STAT4: variants seen among roughly 807,000 people sequenced by gnomAD.
STAT4 encodes signal transducer and activator of transcription 4.
Under a neutral mutation model 110.5 loss-of-function variants are expected in STAT4, and 42 were observed. That is an observed-to-expected ratio of 0.38 (90% CI 0.30 to 0.49). STAT4 has a LOEUF of 0.49. Ranked by LOEUF, STAT4 falls within the 20% of genes least tolerant of loss-of-function variation. STAT4 has a pLI of 0.95. For missense variants in STAT4, 632 were observed against 887.9 expected (o/e 0.71, Z 3.66); for synonymous variants, 284 against 302.2 (o/e 0.94, Z 0.63).
At chr2:191,076,184 G>C (rs367791835) in intron 4 of STAT4, 43 bp downstream of exon 4, 785 of 1,499,564 alleles carry the variant, frequency 5.2e-4, no homozygotes, top group Non-Finnish European at 6.8e-4. Flanking sequence ...CAGAAAAATT[G>C]AGTTCAAGGT....
rs1696257566 is a variant in STAT4, at chr2:191,043,284, A to G, written c.1252-2136T>C. ...ACATAAAGTAGAGGAAATTTCCCAGAATGTAAAACAAACAAAAAAATCCCA... is the reference window on the plus strand; with the variant it reads ...ACATAAAGTAGAGGAAATTTCCCAGGATGTAAAACAAACAAAAAAATCCCA... On this transcript the variant is annotated intron_variant, in intron 14 of 23. Coordinates refer to ENST00000392320, the MANE Select transcript of STAT4 (RefSeq NM_003151.4). This position sits in a 1 kb window ranked among gnomAD's most constrained non-coding sequence, Gnocchi z 4.8. 6.6e-6 allele frequency among the ~76,000 whole-genome samples: 1 copy of G among 152,170 alleles called. No homozygotes were observed. The highest frequency in any genetic ancestry group is 2.4e-5 in the African/African-American group (1 of 41,444).
chr2:191,099,360 C>T lies in STAT4; in HGVS notation c.274-23035G>A, dbSNP rs962702582. Among the ~76,000 whole-genome samples, 2 of 152,022 alleles carry T rather than the reference C, an allele frequency of 1.3e-5. No individual in the cohort carries two copies. The highest frequency in any genetic ancestry group is 2.9e-5 in the Non-Finnish European group (2 of 67,958). ...GACTAGCAAGTCCATATCTAGGAAT[C>T]CATCCAATAAAAATAAAAGCACTGG... On this transcript the variant is annotated intron_variant, in intron 3 of 23. Transcript: ENST00000392320. This position sits in a 1 kb window ranked among gnomAD's most constrained non-coding sequence, Gnocchi z 4.1.
At chr2:191,120,897 C>T (rs1698706683) in intron 3 of STAT4, among the ~76,000 whole-genome samples, 1 of 152,164 alleles carries the variant, frequency 6.6e-6, no homozygotes, top group South Asian at 2.1e-4. Context: ...AAAGCAATGG[C>T]AACAAAAGCC....
At chr2:191,094,964 C>T (rs1231095046) in intron 3 of STAT4, among the ~76,000 whole-genome samples, 5 of 147,790 alleles carry the variant, frequency 3.4e-5, no homozygotes, top group African/African-American at 5.0e-5. Flanking sequence ...CTAGTCTCTG[C>T]TAAAACAGAC....
At position 191,031,414 on chromosome 2, in the gene STAT4, T is replaced by A; in HGVS notation, c.2111+36A>T. 2.5e-6 allele frequency: 4 copies of A among 1,597,986 alleles called. No homozygotes were observed. Among genetic ancestry groups the A allele is most frequent in the Non-Finnish European group, 3.4e-6 (4 of 1,171,212 alleles). ...TTAAATCTCCTATAGGAAAGCTTTT[T>A]ATAAAAATATTTCACATGTGACTAA... On this transcript the variant is annotated intron_variant, in intron 22 of 23. Transcript: ENST00000392320. The surrounding 1 kb of genome is among the most constrained non-coding windows in gnomAD (Gnocchi z 4.8).
rs926951303 is a variant in STAT4 at position 191,090,561 on chromosome 2, A to G, written c.274-14236T>C. Among the ~76,000 whole-genome samples the G allele has an allele frequency of 6.6e-6, 1 of 151,858 alleles. No individual in the cohort carries two copies. The highest frequency in any genetic ancestry group is 6.6e-5 in the Admixed American group (1 of 15,224). On this transcript the variant is annotated intron_variant, in intron 3 of 23. Transcript: ENST00000392320. This position sits in a 1 kb window ranked among gnomAD's most constrained non-coding sequence, Gnocchi z 4.2. ...CTTATTTATTTATTTTTAAACTACT[A>G]CTTGGTTTGTTTGTTTGAGACAGAG...
At chr2:191,068,969 G>T (rs940790196) in intron 6 of STAT4, among the ~76,000 whole-genome samples, 1 of 151,970 alleles carries the variant, frequency 6.6e-6, no homozygotes, top group African/African-American at 2.4e-5. Flanking sequence ...AAAATAAATT[G>T]CAGTGACCTT....
Position 191,116,013 on chromosome 2 carries a change from A to T in STAT4, c.273+30600T>A, listed in dbSNP as rs1171097099. Among the ~76,000 whole-genome samples the T allele has an allele frequency of 6.6e-6, 1 of 152,160 alleles. No homozygotes were observed. Among genetic ancestry groups the T allele is most frequent in the Non-Finnish European group, 1.5e-5 (1 of 68,032 alleles). On this transcript the variant is annotated intron_variant, in intron 3 of 23. Coordinates refer to ENST00000392320, the MANE Select transcript of STAT4 (RefSeq NM_003151.4). This position sits in a 1 kb window ranked among gnomAD's most constrained non-coding sequence, Gnocchi z 4.1. Reference sequence around the variant, plus strand: ...CCTGCAGGAGTAAGGTATTAGTCATATGGTACGTTTGGTTGAAATGAACAT... The same window carrying T: ...CCTGCAGGAGTAAGGTATTAGTCATTTGGTACGTTTGGTTGAAATGAACAT...
intron 6 of STAT4, among the ~76,000 whole-genome samples, chr2:191,068,888 T>C (rs1373763262): frequency 6.6e-6 from 1 of 152,092 alleles, no homozygotes; most frequent in East Asian, 1.9e-4. Context: ...TTGTAAATGT[T>C]CTCTTCCCCT....
At chr2:191,063,283 A>C (rs1696898768) in intron 8 of STAT4, among the ~76,000 whole-genome samples, 1 of 152,254 alleles carries the variant, frequency 6.6e-6, no homozygotes, top group African/African-American at 2.4e-5. Flanking sequence ...GGGCAAAAAA[A>C]GAGCAAATTT....
At chr2:191,070,648 CAT>C (rs1238278983) in intron 5 of STAT4, among the ~76,000 whole-genome samples, 2 of 152,204 alleles carry the variant, frequency 1.3e-5, no homozygotes, top group Non-Finnish European at 2.9e-5. Context: ...TCTAAGGAAA[CAT>C]ATATCTACCA....
rs949132514 is a variant in STAT4 at position 191,042,771 on chromosome 2, TTCTC to T, written c.1252-1627_1252-1624del. Among the ~76,000 whole-genome samples, 8 of 144,514 alleles carry T rather than the reference TTCTC, an allele frequency of 5.5e-5. No individual in the cohort carries two copies. The highest frequency in any genetic ancestry group is 1.8e-4 in the African/African-American group (7 of 38,658). 94.8% of individuals were successfully genotyped at this position (144,514 alleles called of 152,430 possible). On this transcript the variant is annotated intron_variant, in intron 14 of 23. Transcript: ENST00000392320. The surrounding 1 kb of genome is among the most constrained non-coding windows in gnomAD (Gnocchi z 4.2). ...GTGATGCTTAAATTCATTCATTGTA[TTCTC>T]TCTTTTTTTTTTTTCTTTTTTGAGA...
rs1196206772 is a variant in STAT4, at chr2:191,035,599, T to A, written c.1570+565A>T. On this transcript the variant is annotated intron_variant, in intron 17 of 23. Transcript: ENST00000392320. This position sits in a 1 kb window ranked among gnomAD's most constrained non-coding sequence, Gnocchi z 4.7. The stretch of plus-strand genomic sequence containing the variant: ...TTATAGTTGGCACATGTAGTACCAG[T>A]GACTCTATTTTGCAAACTTTAGAAA... Among the ~76,000 whole-genome samples, 2 of 152,248 alleles carry A rather than the reference T, an allele frequency of 1.3e-5. No homozygotes were observed. Among genetic ancestry groups the A allele is most frequent in the African/African-American group, 4.8e-5 (2 of 41,468 alleles).
chr2:191,148,631 G>A (rs757845127), intron 1 of STAT4, among the ~76,000 whole-genome samples: 2 of 151,994 alleles, frequency 1.3e-5, no homozygotes, highest in African/African-American at 4.8e-5. Flanking sequence ...TTATATGTGA[G>A]GAACAACCCC....
Position 191,058,899 on chromosome 2 carries a change from A to G in STAT4, c.1035-130T>C, listed in dbSNP as rs1349547884. 1 of 573,580 alleles carries G rather than the reference A, an allele frequency of 1.7e-6. No individual in the cohort carries two copies. Among genetic ancestry groups the G allele is most frequent in the Non-Finnish European group, 3.0e-6 (1 of 328,892 alleles). The allele number at this position is 573,580 out of a possible 1,614,324, so 35.5% of individuals were successfully genotyped here. A position where few individuals can be genotyped will look rare whatever the true frequency, so the allele number is the denominator to read the frequency against. The stretch of plus-strand genomic sequence containing the variant: ...AATAAACCTTACATTATCTACAGTT[A>G]TATGTTAGTGTGTTTTAAAAATGTA... On this transcript the variant is annotated intron_variant, in intron 10 of 23. Transcript: ENST00000392320. The surrounding 1 kb of genome is among the most constrained non-coding windows in gnomAD (Gnocchi z 4.3).
intron 3 of STAT4, among the ~76,000 whole-genome samples, chr2:191,094,054 A>G (rs565808725): frequency 6.6e-6 from 1 of 152,330 alleles, no homozygotes; most frequent in Non-Finnish European, 1.5e-5. Context: ...GAGTAAAAAG[A>G]AAAGAACAAA....
At chr2:191,057,609 T>G (rs1227119779) in intron 13 of STAT4, among the ~76,000 whole-genome samples, 2 of 148,412 alleles carry the variant, frequency 1.3e-5, no homozygotes, top group Non-Finnish European at 3.0e-5. Context: ...TTTCTTTTTT[T>G]TTTTTTTGAG....
chr2:191,124,827 A>G (rs572441294), intron 3 of STAT4, among the ~76,000 whole-genome samples: 2 of 152,206 alleles, frequency 1.3e-5, no homozygotes, highest in African/African-American at 4.8e-5. Flanking sequence ...AGTCCAGAAC[A>G]TATTCTTCAT....
rs777966788 is a variant in STAT4, at chr2:191,148,222, G to T, written c.-1-18C>A. On this transcript the variant is annotated intron_variant, in intron 1 of 23. Transcript: ENST00000392320. ...GAGACATGCTATAAAAGAAGGTGTA[G>T]AATTAGAGTTTTAAAATATTGTTCA... The T allele has an allele frequency of 6.2e-7, 1 of 1,610,252 alleles. No individual in the cohort carries two copies. The highest frequency in any genetic ancestry group is 2.2e-5 in the East Asian group (1 of 44,774).
Sources: allele counts gnomAD v4.1 joint callset (sites outside exome capture counted in the v4.1 genomes callset), GRCh38; gene constraint gnomAD v4.1.1; non-coding constraint Gnocchi (gnomAD v3.1); transcripts MANE v1.5; gene names NCBI Gene and HGNC (gene_info 2026-07-23, HGNC 2026-07-21).